ADGB: variants seen among roughly 807,000 people sequenced by gnomAD.
ADGB encodes the protein calpain-7-like protein.
Under a neutral mutation model 210.5 loss-of-function variants are expected in ADGB, and 172 were observed. The ratio of observed to expected loss-of-function variants is 0.82; its 90% confidence interval spans 0.72 to 0.93. The LOEUF is 0.93. Among genes scored for constraint, ADGB ranks in the 40% least tolerant of loss-of-function variants. The probability of loss-of-function intolerance (pLI) is 0.00; values close to 1 mark genes in which losing one functional copy is unlikely to be tolerated. For synonymous variants in ADGB, 658 were observed against 662.7 expected (o/e 0.99, Z 0.11); for missense variants, 2,025 against 1,964.8 (o/e 1.03, Z -0.58).
intron 16 of ADGB, among the ~76,000 whole-genome samples, chr6:146,718,059 T>G (rs1176892746): frequency 6.6e-6 from 1 of 152,154 alleles, no homozygotes; most frequent in African/African-American, 2.4e-5. Context: ...AGCTAATGCC[T>G]AGAAATCCTT....
At chr6:146,728,324 TG>T (rs1332932689) in intron 19 of ADGB, among the ~76,000 whole-genome samples, 3 of 152,132 alleles carry the variant, frequency 2.0e-5, no homozygotes, top group Non-Finnish European at 4.4e-5. Flanking sequence ...ATTAATACGG[TG>T]GGGGAAATTT....
chr6:146,618,573 T>C (rs1240197056), intron 1 of ADGB, among the ~76,000 whole-genome samples: 3 of 152,026 alleles, frequency 2.0e-5, no homozygotes, highest in African/African-American at 4.8e-5. Flanking sequence ...TTTGTCTCAA[T>C]AAATTTTTAA....
chr6:146,799,405 G>A (rs1778091131), intron 33 of ADGB, among the ~76,000 whole-genome samples: 2 of 152,058 alleles, frequency 1.3e-5, no homozygotes, highest in African/African-American at 2.4e-5. Context: ...GTGGTGGCAC[G>A]TGCCTGTAAT....
In ADGB at chr6:146,599,031, G is replaced by T. The variant is rs974222666; in HGVS notation, c.-10G>T. ...CTCAGAGCTCAGCCCTACATAGATC[G>T]GCTTCTGCCATGGCCTCCAAACAAA... On this transcript the variant is annotated 5_prime_UTR_variant, in exon 1 of 36. Coordinates refer to ENST00000397944, the MANE Select transcript of ADGB (RefSeq NM_024694.4). 3.9e-6 allele frequency: 6 copies of T among 1,550,990 alleles called. No individual in the cohort carries two copies. In the African/African-American group the frequency reaches 6.8e-5, roughly 18 times the overall value.
chr6:146,803,321 A>T (rs1439191974), intron 35 of ADGB: 5 of 1,608,672 alleles, frequency 3.1e-6, no homozygotes, highest in Non-Finnish European at 4.3e-6. Flanking sequence ...TCTGTGAAGA[A>T]CCAGAATCAC....
At chr6:146,733,716 C>G (rs1158716202) in intron 21 of ADGB, among the ~76,000 whole-genome samples, 177 bp from the exon 22 acceptor site, 1 of 152,096 alleles carries the variant, frequency 6.6e-6, no homozygotes, top group Non-Finnish European at 1.5e-5. Context: ...TGTTTTCCCT[C>G]CTGCAGAATA....
rs1777123621 is a variant in ADGB at position 146,738,992 on chromosome 6, C to G, written c.2889-1467C>G. ...AACTAATTCTTAATTAAGACTAAAT[C>G]TTCCAACTCAGTCAGGTATATCACC... On this transcript the variant is annotated intron_variant, in intron 23 of 35. Transcript: ENST00000397944. Among the ~76,000 whole-genome samples, 8 of 152,220 alleles carry G rather than the reference C, an allele frequency of 5.3e-5. 1 individual carries two copies. The highest frequency in any genetic ancestry group is 3.9e-4 in the Admixed American group (6 of 15,282).
intron 12 of ADGB, among the ~76,000 whole-genome samples, chr6:146,698,360 T>C (rs1776440522): frequency 6.6e-6 from 1 of 152,236 alleles, no homozygotes; most frequent in Non-Finnish European, 1.5e-5. Flanking sequence ...TAATCTATGA[T>C]AGGAATATAA....
At chr6:146,730,812 A>T (rs1314062399) in intron 20 of ADGB, among the ~76,000 whole-genome samples, 1 of 152,032 alleles carries the variant, frequency 6.6e-6, no homozygotes, top group African/African-American at 2.4e-5. Context: ...GGTGGTGGGC[A>T]CCTGTAATCC....
chr6:146,654,114 A>G (rs1314701345), intron 3 of ADGB, 21 bp from the exon 4 acceptor site: 3 of 1,388,138 alleles, frequency 2.2e-6, no homozygotes, highest in East Asian at 2.5e-5. Context: ...GGAGTAATAT[A>G]TACATATATA....
chr6:146,613,613 T>A (rs2114832310), intron 1 of ADGB, among the ~76,000 whole-genome samples: 1 of 152,310 alleles, frequency 6.6e-6, no homozygotes, highest in African/African-American at 2.4e-5. Flanking sequence ...AAAGCAAATA[T>A]ATGAGTGCAT....
chr6:146,625,050 G>A (rs1435731040), intron 1 of ADGB, among the ~76,000 whole-genome samples: 1 of 151,984 alleles, frequency 6.6e-6, no homozygotes, highest in Non-Finnish European at 1.5e-5. Context: ...TGTTGTGATA[G>A]AGTGTCTTAT....
At chr6:146,773,287 A>C (rs966199665) in intron 29 of ADGB, among the ~76,000 whole-genome samples, 42 of 152,158 alleles carry the variant, frequency 2.8e-4, no homozygotes, top group African/African-American at 1.0e-3. Flanking sequence ...TAGAGAAAAA[A>C]AAAAGATCGT....
At chr6:146,692,162 G>C (rs1776338084) in intron 11 of ADGB, among the ~76,000 whole-genome samples, 1 of 152,166 alleles carries the variant, frequency 6.6e-6, no homozygotes, top group Non-Finnish European at 1.5e-5. Context: ...ACTGATTGCT[G>C]TGTACAGTCA....
rs115242489 is a variant in ADGB, at chr6:146,684,072, C to G, written c.1217-1662C>G. On this transcript the variant is annotated intron_variant, in intron 9 of 35. Transcript: ENST00000397944. ...ATTATGTAAGGTGTGTGTTTAACAT[C>G]TGGAAACTCAGCTGACTTTTTGTAA... 3.1e-3 allele frequency among the ~76,000 whole-genome samples: 475 copies of G among 152,148 alleles called. 6 individuals carry two copies. Among genetic ancestry groups the G allele is most frequent in the African/African-American group, 0.01 (434 of 41,532 alleles).
At chr6:146,728,501 C>A in intron 19 of ADGB, 73 bp from the exon 20 acceptor site, 1 of 1,347,192 alleles carries the variant, frequency 7.4e-7, no homozygotes, top group Non-Finnish European at 1.0e-6. Flanking sequence ...CATATTTTAA[C>A]AGATATTAAT....
intron 6 of ADGB, among the ~76,000 whole-genome samples, chr6:146,666,204 T>A (rs1775935610): frequency 6.6e-6 from 1 of 152,084 alleles, no homozygotes; most frequent in Non-Finnish European, 1.5e-5. Flanking sequence ...TTTTTGCATG[T>A]AAATGTAAAT....
chr6:146,738,580 G>T (rs1777115047), intron 23 of ADGB, among the ~76,000 whole-genome samples: 1 of 151,278 alleles, frequency 6.6e-6, no homozygotes, highest in Non-Finnish European at 1.5e-5. Context: ...CTCCCTAGTA[G>T]CTGGGACTAC....
At chr6:146,777,905 G>A (rs903608123) in intron 29 of ADGB, among the ~76,000 whole-genome samples, 1 of 152,138 alleles carries the variant, frequency 6.6e-6, no homozygotes, top group Non-Finnish European at 1.5e-5. Context: ...TCTGAGAGGT[G>A]GGCCTCAAGA....
Sources: allele counts gnomAD v4.1 joint callset (sites outside exome capture counted in the v4.1 genomes callset), GRCh38; gene constraint gnomAD v4.1.1; transcripts MANE v1.5; gene names NCBI Gene and HGNC (gene_info 2026-07-23, HGNC 2026-07-21).